Variants in MSANTD2 observed in about 807,000 individuals in gnomAD.
MSANTD2 encodes the protein myb/SANT-like DNA-binding domain-containing protein 2.
Under a neutral mutation model 52.6 loss-of-function variants are expected in MSANTD2, and 19 were observed. That is an observed-to-expected ratio of 0.36 (90% CI 0.25 to 0.53). The LOEUF is 0.53. MSANTD2 is among the 20% of genes least tolerant of loss of function. MSANTD2 has a pLI of 0.91. For missense variants in MSANTD2, 558 were observed against 716.3 expected (o/e 0.78, Z 2.52); for synonymous variants, 291 against 289.7 (o/e 1.00, Z -0.04).
Position 124,774,121 on chromosome 11 carries a change from T to A in MSANTD2, c.766+598A>T, listed in dbSNP as rs550419385. 7.2e-5 allele frequency among the ~76,000 whole-genome samples: 11 copies of A among 152,258 alleles called. No homozygotes were observed. Among genetic ancestry groups the A allele is most frequent in the Non-Finnish European group, 1.3e-4 (9 of 68,048 alleles). On this transcript the variant is annotated intron_variant, in intron 2 of 3. Transcript: ENST00000374979. This position sits in a 1 kb window ranked among gnomAD's most constrained non-coding sequence, Gnocchi z 5.1. ...ACTGTATAAATAATTCCAGCTACTG[T>A]TGGGATGCGATCCCTTAAGAAGTGT...
At chr11:124,768,773 G>T (rs891991664) in intron 3 of MSANTD2, among the ~76,000 whole-genome samples, 3 of 152,104 alleles carry the variant, frequency 2.0e-5, no homozygotes, top group Admixed American at 2.0e-4. Flanking sequence ...GACTGTTCTA[G>T]AAAACCCTTT....
intron 1 of MSANTD2, among the ~76,000 whole-genome samples, chr11:124,798,341 T>C (rs1023065279): frequency 1.3e-5 from 2 of 151,392 alleles, no homozygotes; most frequent in African/African-American, 2.4e-5. Context: ...GTTCTTCAGG[T>C]TGGGCAAGAG....
At chr11:124,783,787 A>C (rs1216472771) in intron 1 of MSANTD2, 2 of 985,266 alleles carry the variant, frequency 2.0e-6, no homozygotes, top group Non-Finnish European at 2.4e-6. Flanking sequence ...AAAACCCTAA[A>C]GAAGGACAAT....
chr11:124,800,299 G>A lies in MSANTD2; in HGVS notation c.82C>T (p.Pro28Ser), dbSNP rs1015595593. 9.6e-6 allele frequency: 15 copies of A among 1,567,674 alleles called. No homozygotes were observed. The highest frequency in any genetic ancestry group is 1.3e-5 in the Non-Finnish European group (15 of 1,159,602). The change falls in exon 1 of 4, where the codon CCT (proline) becomes TCT (serine). Residue 28 changes from proline (P) to serine (S), a missense_variant. Physicochemically the swap from Pro to Ser is moderately conservative, Grantham distance 74 (BLOSUM62 -1). Coordinates refer to ENST00000374979, the MANE Select transcript of MSANTD2 (RefSeq NM_001308027.2). The surrounding 1 kb of genome is among the most constrained non-coding windows in gnomAD (Gnocchi z 4.3). Reference protein sequence around the residue: ...PKMEVLSPASPGGLSDGNPSL... With the variant: ...PKMEVLSPASSGGLSDGNPSL... The stretch of plus-strand genomic sequence containing the variant: ...GGATTTCCGTCGCTCAGGCCACCAG[G>A]AGAAGCCGGGGAAAGCACCTCCATC...
At chr11:124,787,844 G>A (rs897796111) in intron 1 of MSANTD2, among the ~76,000 whole-genome samples, 13 of 152,068 alleles carry the variant, frequency 8.5e-5, no homozygotes, top group African/African-American at 2.7e-4. Flanking sequence ...GTGGCTCCCA[G>A]CACTTTCGGA....
At chr11:124,778,428 G>C (rs552360563) in intron 1 of MSANTD2, among the ~76,000 whole-genome samples, 1 of 152,252 alleles carries the variant, frequency 6.6e-6, no homozygotes, top group East Asian at 1.9e-4. Context: ...CCTGACTGTT[G>C]GAAATCTCCC....
At chr11:124,797,025 T>C (rs1460745798) in intron 1 of MSANTD2, among the ~76,000 whole-genome samples, 2 of 152,212 alleles carry the variant, frequency 1.3e-5, no homozygotes, top group Non-Finnish European at 2.9e-5. Context: ...GTGACCACAT[T>C]TGCTTCTGTG....
At position 124,788,114 on chromosome 11, in the gene MSANTD2, T is replaced by A. The variant is rs2135261781; in HGVS notation, c.510+11757A>T. On this transcript the variant is annotated intron_variant, in intron 1 of 3. Transcript: ENST00000374979. ...AAAAAAAAAGCCAATTAATTAATCA[T>A]TTTGAAAGATTTATAGCCTTGGCAA... Among the ~76,000 whole-genome samples the A allele has an allele frequency of 2.7e-5, 4 of 149,980 alleles. No individual in the cohort carries two copies. In the Middle Eastern group the frequency reaches 0.011, roughly 408 times the overall value.
chr11:124,766,970 G>T lies in MSANTD2; in HGVS notation c.*206C>A, dbSNP rs182004971. ...ACCATGCAAGTTCGCTATATATCTT[G>T]CTTGCTCAAAATGAGCATTTTCAGG... On this transcript the variant is annotated 3_prime_UTR_variant, in exon 4 of 4. Transcript: ENST00000374979. 3.2e-4 allele frequency: 168 copies of T among 523,342 alleles called. No individual in the cohort carries two copies. Among genetic ancestry groups the T allele is most frequent in the African/African-American group, 3.0e-3 (154 of 52,108 alleles). 32.4% of individuals were successfully genotyped at this position (523,342 alleles called of 1,614,324 possible). A position where few individuals can be genotyped will look rare whatever the true frequency, so the allele number is the denominator to read the frequency against.
In MSANTD2 at chr11:124,781,159, G is replaced by T. The variant is rs565662163; in HGVS notation, c.511-6185C>A. Among the ~76,000 whole-genome samples, 4 of 150,760 alleles carry T rather than the reference G, an allele frequency of 2.7e-5. No homozygotes were observed. The South Asian group carries it at 8.4e-4, about 32-fold the overall frequency. ...GATCGTGCCACTGCACTCCAGCCTG[G>T]GCGACATGAGGGAGTCTCTGTCTCA... On this transcript the variant is annotated intron_variant, in intron 1 of 3. Coordinates refer to ENST00000374979, the MANE Select transcript of MSANTD2 (RefSeq NM_001308027.2).
At chr11:124,771,841 A>G (rs1174683313) in intron 3 of MSANTD2, among the ~76,000 whole-genome samples, 2 of 152,222 alleles carry the variant, frequency 1.3e-5, no homozygotes, top group African/African-American at 4.8e-5. Flanking sequence ...TCTCTCAGAC[A>G]TCAAGATCAC....
intron 3 of MSANTD2, among the ~76,000 whole-genome samples, chr11:124,772,055 T>C (rs1310378741): frequency 2.0e-5 from 3 of 152,212 alleles, no homozygotes; most frequent in Non-Finnish European, 2.9e-5. Context: ...CCAAGAACTA[T>C]GATGTCCTTG....
At chr11:124,784,689 T>C (rs1419234953) in intron 1 of MSANTD2, 1 of 981,752 alleles carries the variant, frequency 1.0e-6, no homozygotes, top group Admixed American at 6.1e-5. Flanking sequence ...ATTTTCTCAC[T>C]AAAAACTACC....
At chr11:124,786,561 T>C (rs1945168710) in intron 1 of MSANTD2, among the ~76,000 whole-genome samples, 1 of 152,148 alleles carries the variant, frequency 6.6e-6, no homozygotes, top group South Asian at 2.1e-4. Flanking sequence ...TTTGGAGGAG[T>C]TGGTGATCCA....
intron 1 of MSANTD2, among the ~76,000 whole-genome samples, chr11:124,794,476 AAC>A (rs1382170611): frequency 6.6e-6 from 1 of 152,272 alleles, no homozygotes; most frequent in East Asian, 1.9e-4. Flanking sequence ...GGATGGTAAC[AAC>A]AGAGACTAAA....
chr11:124,773,603 C>T (rs539627778), intron 2 of MSANTD2, among the ~76,000 whole-genome samples: 40 of 152,334 alleles, frequency 2.6e-4, no homozygotes, highest in African/African-American at 9.4e-4. Context: ...AAGTCCATTT[C>T]TTATACGCTG....
intron 2 of MSANTD2, among the ~76,000 whole-genome samples, chr11:124,773,623 T>C (rs191048422): frequency 1.3e-5 from 2 of 152,394 alleles, no homozygotes; most frequent in East Asian, 1.9e-4. Context: ...GTTAGTCTTA[T>C]AGTTTTATAA....
intron 1 of MSANTD2, among the ~76,000 whole-genome samples, chr11:124,781,982 A>T (rs547680470): frequency 6.6e-6 from 1 of 152,260 alleles, no homozygotes; most frequent in African/African-American, 2.4e-5. Flanking sequence ...AATGAAGCTC[A>T]AACTTTGTCC....
chr11:124,774,688 A>G lies in MSANTD2; in HGVS notation c.766+31T>C. Reference sequence around the variant, plus strand: ...CATAAAGGTATATAAATATACACAAACATAAGTATCATATATGTTGGCTTT... The same window carrying G: ...CATAAAGGTATATAAATATACACAAGCATAAGTATCATATATGTTGGCTTT... On this transcript the variant is annotated intron_variant, in intron 2 of 3. Coordinates refer to ENST00000374979, the MANE Select transcript of MSANTD2 (RefSeq NM_001308027.2). This position sits in a 1 kb window ranked among gnomAD's most constrained non-coding sequence, Gnocchi z 5.1. 1 of 1,603,968 alleles carries G rather than the reference A, an allele frequency of 6.2e-7. No individual in the cohort carries two copies. The highest frequency in any genetic ancestry group is 8.5e-7 in the Non-Finnish European group (1 of 1,173,152).
Sources: allele counts gnomAD v4.1 joint callset (sites outside exome capture counted in the v4.1 genomes callset), GRCh38; gene constraint gnomAD v4.1.1; non-coding constraint Gnocchi (gnomAD v3.1); transcripts MANE v1.5; gene names NCBI Gene and HGNC (gene_info 2026-07-23, HGNC 2026-07-21).